The following THSD7B variants were observed in gnomAD, a reference collection of about 807,000 sequenced individuals.
The protein encoded by THSD7B is thrombospondin type 1 domain containing 7B, also known as thrombospondin type-1 domain-containing protein 7B.
In THSD7B, 138 loss-of-function variants were observed where a neutral mutation model predicts 213.6. The ratio of observed to expected loss-of-function variants is 0.65; its 90% CI spans 0.56 to 0.74. The LOEUF is 0.74. THSD7B is among the 30% of genes least tolerant of loss of function. The probability of loss-of-function intolerance (pLI) is 0.00; values close to 1 mark genes in which losing one functional copy is unlikely to be tolerated. For synonymous variants in THSD7B, 742 were observed against 687.0 expected, an observed-to-expected ratio of 1.08 and a Z score of -1.25; for missense variants, 1,931 against 1,991.5, an observed-to-expected ratio of 0.97 and a Z score of 0.58.
At chr2:136,772,047 T>G in intron 1 of THSD7B, among the ~76,000 whole-genome samples, 1 of 152,122 alleles carries the variant, frequency 6.6e-6, no homozygotes. Context: ...CCTTTTTTTT[T>G]GTAATAGGAA....
chr2:137,564,799 G>A (rs559067319), intron 16 of THSD7B, among the ~76,000 whole-genome samples: 3 of 152,022 alleles, frequency 2.0e-5, no homozygotes, highest in South Asian at 2.1e-4. Flanking sequence ...TACAGAGCCC[G>A]ATATAATACA....
intron 7 of THSD7B, among the ~76,000 whole-genome samples, chr2:137,207,493 T>G (rs1433850416): frequency 6.6e-6 from 1 of 152,100 alleles, no homozygotes; most frequent in Non-Finnish European, 1.5e-5. Context: ...TTTTTGCTGT[T>G]AATCTTTTAA....
intron 15 of THSD7B, among the ~76,000 whole-genome samples, chr2:137,561,703 A>C (rs960550624): frequency 6.6e-6 from 1 of 152,074 alleles, no homozygotes; most frequent in Non-Finnish European, 1.5e-5. Flanking sequence ...ATTTTCTTAC[A>C]TCTACTATCC....
At chr2:137,561,809 G>C (rs1001066257) in intron 15 of THSD7B, among the ~76,000 whole-genome samples, 11 of 152,060 alleles carry the variant, frequency 7.2e-5, no homozygotes, top group African/African-American at 2.7e-4. Flanking sequence ...ATTCTTGCCA[G>C]CATTCACAGC....
intron 2 of THSD7B, among the ~76,000 whole-genome samples, chr2:137,036,972 G>A (rs911274982): frequency 2.6e-5 from 4 of 152,120 alleles, no homozygotes; most frequent in Non-Finnish European, 5.9e-5. Flanking sequence ...AGAAGAAGGT[G>A]TAGTTATAAA....
intron 15 of THSD7B, among the ~76,000 whole-genome samples, chr2:137,515,876 C>T (rs1054370069): frequency 1.3e-5 from 2 of 152,286 alleles, no homozygotes; most frequent in South Asian, 4.1e-4. Flanking sequence ...ACCTACTAAT[C>T]GCAGCTGGGA....
At chr2:137,336,129 C>T (rs1369792607) in intron 12 of THSD7B, among the ~76,000 whole-genome samples, 5 of 151,388 alleles carry the variant, frequency 3.3e-5, no homozygotes, top group Non-Finnish European at 4.4e-5. Flanking sequence ...ACTAAAGTGT[C>T]AGAGAAACAG....
intron 14 of THSD7B, among the ~76,000 whole-genome samples, chr2:137,441,453 C>T (rs1480540831): frequency 6.6e-6 from 1 of 152,090 alleles, no homozygotes; most frequent in African/African-American, 2.4e-5. Context: ...CTCTCTCCTG[C>T]CAAGATTGCC....
rs377263000 is a variant in THSD7B, at chr2:137,119,701, CT to C, written c.1369+4414del. Among the ~76,000 whole-genome samples the C allele has an allele frequency of 1.6e-3, 249 of 152,142 alleles. 2 individuals are homozygous for C. The highest frequency in any genetic ancestry group is 5.7e-3 in the African/African-American group (238 of 41,504). On this transcript the variant is annotated intron_variant, in intron 5 of 27. Coordinates refer to ENST00000409968, the MANE Select transcript of THSD7B (RefSeq NM_001316349.2). Reference sequence around the variant, plus strand: ...TGAGAATATGGATATGTGCTACAGCCTTTTTTCCCCCTACTGTAGATTTTTA... The same window carrying C: ...TGAGAATATGGATATGTGCTACAGCCTTTTTCCCCCTACTGTAGATTTTTA...
At chr2:137,541,974 T>A (rs2122125) in intron 15 of THSD7B, among the ~76,000 whole-genome samples, 36,309 of 151,322 alleles carry the variant, frequency 0.24, 4,444 homozygotes, top group South Asian at 0.31. Flanking sequence ...ATTATCAAGT[T>A]TGTAAACATT....
chr2:137,568,097 A>G (rs1681278230), intron 16 of THSD7B, among the ~76,000 whole-genome samples: 1 of 152,174 alleles, frequency 6.6e-6, no homozygotes, highest in South Asian at 2.1e-4. Flanking sequence ...ATAAGAATTC[A>G]CCATTGAGTT....
intron 15 of THSD7B, among the ~76,000 whole-genome samples, chr2:137,461,963 AACTT>A (rs1687894232): frequency 6.6e-6 from 1 of 152,152 alleles, no homozygotes; most frequent in African/African-American, 2.4e-5. Flanking sequence ...CTTGTCTTTC[AACTT>A]ACTTTGCAAG....
At chr2:137,250,684 C>G (rs558301514) in intron 10 of THSD7B, among the ~76,000 whole-genome samples, 1 of 152,262 alleles carries the variant, frequency 6.6e-6, no homozygotes, top group South Asian at 2.1e-4. Context: ...AGAAATCTCT[C>G]CATCGTAGAG....
intron 7 of THSD7B, among the ~76,000 whole-genome samples, chr2:137,190,620 C>A (rs1321411105): frequency 6.6e-6 from 1 of 152,168 alleles, no homozygotes; most frequent in Non-Finnish European, 1.5e-5. Context: ...GTCATCCTTT[C>A]CTGGGCTTTC....
intron 2 of THSD7B, among the ~76,000 whole-genome samples, chr2:136,970,854 C>T (rs1159984384): frequency 2.0e-5 from 3 of 152,082 alleles, no homozygotes; most frequent in African/African-American, 7.2e-5. Context: ...ATAAAGATGG[C>T]ATTGGATTTC....
At chr2:137,113,473 G>A (rs960270956) in intron 4 of THSD7B, among the ~76,000 whole-genome samples, 2 of 151,918 alleles carry the variant, frequency 1.3e-5, no homozygotes, top group Admixed American at 6.6e-5. Flanking sequence ...TTTTGCTCTC[G>A]TTGCCCAGGC....
intron 12 of THSD7B, among the ~76,000 whole-genome samples, chr2:137,340,325 A>G (rs897138236): frequency 1.3e-5 from 2 of 151,960 alleles, no homozygotes; most frequent in African/African-American, 4.8e-5. Flanking sequence ...GATAATTTTT[A>G]TTATAAATTG....
chr2:136,801,116 T>G (rs2104921784), intron 1 of THSD7B, among the ~76,000 whole-genome samples: 1 of 152,130 alleles, frequency 6.6e-6, no homozygotes, highest in South Asian at 2.1e-4. Context: ...TCACAAATAA[T>G]TGATCACCTG....
chr2:137,497,152 G>A (rs1679586475), intron 15 of THSD7B, among the ~76,000 whole-genome samples: 1 of 151,374 alleles, frequency 6.6e-6, no homozygotes, highest in Admixed American at 6.6e-5. Context: ...ACTTTTTTAG[G>A]CTTCTTATGA....
Sources: gnomAD v4.1 joint callset for allele counts (sites outside exome capture counted in the v4.1 genomes callset) on GRCh38, gnomAD v4.1.1 for gene constraint, MANE v1.5 for transcripts, NCBI Gene and HGNC (gene_info 2026-07-23, HGNC 2026-07-21) for gene names.